DCC: variants seen among roughly 807,000 people sequenced by gnomAD.
DCC encodes the protein netrin receptor DCC.
Under a neutral mutation model 172.5 loss-of-function variants are expected in DCC, and 58 were observed. The observed-to-expected ratio is 0.34, with a 90% confidence interval of 0.27 to 0.42. DCC has a LOEUF of 0.42. Among genes scored for constraint, DCC ranks in the 10% least tolerant of loss-of-function variants. DCC has a pLI of 1.00. For missense variants in DCC, 1,740 were observed against 1,791.0 expected (o/e 0.97, Z 0.51); for synonymous variants, 709 against 644.5 (o/e 1.10, Z -1.52).
intron 1 of DCC, among the ~76,000 whole-genome samples, chr18:52,475,501 G>T (rs1187791271): frequency 2.0e-5 from 3 of 152,132 alleles, no homozygotes; most frequent in Non-Finnish European, 4.4e-5. Context: ...GATGATACAG[G>T]AAGGTATTAG....
chr18:53,096,140 A>G (rs945184318), intron 7 of DCC, among the ~76,000 whole-genome samples: 3 of 152,012 alleles, frequency 2.0e-5, no homozygotes, highest in African/African-American at 7.2e-5. Flanking sequence ...ATGTACCCTA[A>G]AACTTAAAGT....
At chr18:52,756,098 T>C (rs2037072082) in intron 2 of DCC, among the ~76,000 whole-genome samples, 1 of 152,230 alleles carries the variant, frequency 6.6e-6, no homozygotes, top group Non-Finnish European at 1.5e-5. Flanking sequence ...ACCTGGGCTA[T>C]TAAGCCTCCA....
At chr18:52,386,174 AG>A (rs1169561564) in intron 1 of DCC, among the ~76,000 whole-genome samples, 1 of 152,056 alleles carries the variant, frequency 6.6e-6, no homozygotes, top group Non-Finnish European at 1.5e-5. Flanking sequence ...TAACTTTTCC[AG>A]GGGGCAAAAC....
chr18:52,576,157 C>T (rs1191097715), intron 1 of DCC, among the ~76,000 whole-genome samples: 1 of 152,102 alleles, frequency 6.6e-6, no homozygotes, highest in Non-Finnish European at 1.5e-5. Context: ...AGAAAAGATA[C>T]CGGAAAAAGA....
In DCC at chr18:53,325,707, G is replaced by T. The variant is rs530247868; in HGVS notation, c.2164+3550G>T. On this transcript the variant is annotated intron_variant, in intron 14 of 28. Coordinates refer to ENST00000442544, the MANE Select transcript of DCC (RefSeq NM_005215.4). ...TTTTCTATGCTCTTGGCTTAATAAT[G>T]GCCCTCTTGTACATGCAACATTCCT... Among the ~76,000 whole-genome samples, 3 of 152,080 alleles carry T rather than the reference G, an allele frequency of 2.0e-5. No homozygotes were observed. The East Asian group carries it at 5.8e-4, about 29-fold the overall frequency.
At position 53,206,909 on chromosome 18, in the gene DCC, C is replaced by T. The variant is rs138223608; in HGVS notation, c.1723-770C>T. Reference sequence around the variant, plus strand: ...AGAAATATTTTATATTCAAAAATAGCTCAAGCCCAGTCCCAAATTATATTA... The same window carrying T: ...AGAAATATTTTATATTCAAAAATAGTTCAAGCCCAGTCCCAAATTATATTA... On this transcript the variant is annotated intron_variant, in intron 10 of 28. Coordinates refer to ENST00000442544, the MANE Select transcript of DCC (RefSeq NM_005215.4). Among the ~76,000 whole-genome samples the T allele has an allele frequency of 7.9e-3, 1,199 of 151,930 alleles. 16 individuals carry two copies. The highest frequency in any genetic ancestry group is 0.01 in the Middle Eastern group (3 of 294).
At chr18:52,997,884 C>T (rs538529276) in intron 5 of DCC, among the ~76,000 whole-genome samples, 3 of 152,080 alleles carry the variant, frequency 2.0e-5, no homozygotes, top group East Asian at 3.9e-4. Flanking sequence ...CAAATTTCAA[C>T]ATCAAGACCC....
chr18:53,109,016 T>C (rs979717640), intron 7 of DCC, among the ~76,000 whole-genome samples: 1 of 151,138 alleles, frequency 6.6e-6, no homozygotes, highest in African/African-American at 2.4e-5. Context: ...TCAATTTATA[T>C]TTTCACCTAG....
chr18:53,216,218 A>G (rs1416930072), intron 12 of DCC, among the ~76,000 whole-genome samples: 1 of 152,180 alleles, frequency 6.6e-6, no homozygotes, highest in Non-Finnish European at 1.5e-5. Flanking sequence ...GAAACATGTC[A>G]TTATTTCAAG....
intron 1 of DCC, among the ~76,000 whole-genome samples, chr18:52,612,705 G>A (rs1240966783): frequency 6.6e-6 from 1 of 152,008 alleles, no homozygotes; most frequent in Non-Finnish European, 1.5e-5. Flanking sequence ...CTCTTGTATT[G>A]TATGCTCTGC....
intron 5 of DCC, among the ~76,000 whole-genome samples, chr18:53,013,955 G>C (rs537684483): frequency 6.6e-6 from 1 of 152,264 alleles, no homozygotes; most frequent in African/African-American, 2.4e-5. Context: ...ACATGGTGAA[G>C]ACTGTACCAT....
chr18:52,760,276 T>C (rs1445414792), intron 2 of DCC, among the ~76,000 whole-genome samples: 1 of 152,054 alleles, frequency 6.6e-6, no homozygotes, highest in Non-Finnish European at 1.5e-5. Context: ...AACCATCAGA[T>C]CTCATGAGAA....
intron 5 of DCC, among the ~76,000 whole-genome samples, chr18:52,934,261 A>G (rs1473218817): frequency 6.6e-6 from 1 of 152,102 alleles, no homozygotes; most frequent in Non-Finnish European, 1.5e-5. Context: ...CAATATAACA[A>G]TATCTAGTGA....
intron 9 of DCC, among the ~76,000 whole-genome samples, chr18:53,185,732 G>A (rs2055271199): frequency 6.6e-6 from 1 of 152,120 alleles, no homozygotes; most frequent in Non-Finnish European, 1.5e-5. Flanking sequence ...GTCAGAAATG[G>A]TCCTAACTTT....
chr18:53,263,415 G>T (rs865826165), intron 12 of DCC, among the ~76,000 whole-genome samples: 1 of 152,148 alleles, frequency 6.6e-6, no homozygotes, highest in Non-Finnish European at 1.5e-5. Flanking sequence ...GCCTCCCAAA[G>T]TGCTGGGATT....
At chr18:52,993,403 A>G (rs1332809253) in intron 5 of DCC, among the ~76,000 whole-genome samples, 3 of 152,196 alleles carry the variant, frequency 2.0e-5, no homozygotes, top group Non-Finnish European at 4.4e-5. Context: ...AGAATATTCT[A>G]ACTCCTGTAT....
At chr18:53,488,631 T>C (rs775862291) in intron 26 of DCC, among the ~76,000 whole-genome samples, 1 of 152,222 alleles carries the variant, frequency 6.6e-6, no homozygotes, top group East Asian at 1.9e-4. Flanking sequence ...CTCTCTCTTA[T>C]TGAATCATGG....
chr18:52,859,085 G>C (rs562349887), intron 2 of DCC, among the ~76,000 whole-genome samples: 8 of 152,102 alleles, frequency 5.3e-5, no homozygotes, highest in African/African-American at 1.9e-4. Context: ...ACAATTACTT[G>C]AACCCAGGAG....
At chr18:52,442,851 A>G (rs760100345) in intron 1 of DCC, among the ~76,000 whole-genome samples, 4 of 152,154 alleles carry the variant, frequency 2.6e-5, no homozygotes, top group Admixed American at 6.5e-5. Flanking sequence ...CAGAAAGCCA[A>G]TGTCTGCAGG....
Sources: gnomAD v4.1 joint callset for allele counts (sites outside exome capture counted in the v4.1 genomes callset) on GRCh38, gnomAD v4.1.1 for gene constraint, MANE v1.5 for transcripts, NCBI Gene and HGNC (gene_info 2026-07-23, HGNC 2026-07-21) for gene names.